Variants in DST observed in about 807,000 individuals in gnomAD.
The protein encoded by DST is bullous pemphigoid antigen.
Under a neutral mutation model 875.2 loss-of-function variants are expected in DST, and 253 were observed. The observed-to-expected ratio is 0.29, with a 90% CI of 0.26 to 0.32. The LOEUF is 0.32. Among genes scored for constraint, DST ranks in the 10% least tolerant of loss-of-function variants. The pLI is 1.00. For synonymous variants in DST, 3,124 were observed against 3,197.1 expected, an observed-to-expected ratio of 0.98 and a Z score of 0.77; for missense variants, 8,287 against 9,111.6, an observed-to-expected ratio of 0.91 and a Z score of 3.68.
chr6:56,562,023 C>A, intron 56 of DST, 115 bp downstream of exon 56: 1 of 552,902 alleles, frequency 1.8e-6, no homozygotes, highest in Non-Finnish European at 3.0e-6. Flanking sequence ...AGATTAAATA[C>A]CATTGTAATT....
intron 4 of DST, among the ~76,000 whole-genome samples, chr6:56,823,628 C>T (rs2099775763): frequency 6.6e-6 from 1 of 152,104 alleles, no homozygotes; most frequent in Non-Finnish European, 1.5e-5. Flanking sequence ...CCAGGATGGT[C>T]TCGATCTCTT....
At position 56,605,115 on chromosome 6, in the gene DST, A is replaced by G. The variant is rs767563727; in HGVS notation, c.9513T>C (p.Thr3171=). The change falls in exon 40 of 104, where the codon ACT becomes ACC. Residue 3171 remains threonine, a synonymous_variant. Coordinates refer to ENST00000680361, the MANE Select transcript of DST (RefSeq NM_001374736.1). ...GATCAAGCTCTTTCTCAGGTCCATCAGTGAATGACTCCTCAAAATGTGTAT... is the reference window on the plus strand; with the variant it reads ...GATCAAGCTCTTTCTCAGGTCCATCGGTGAATGACTCCTCAAAATGTGTAT... ...EGNTHFEESF[T]DGPEKELDLF... is the part of the protein sequence containing the mutation. 17 of 1,612,758 alleles carry G rather than the reference A, an allele frequency of 1.1e-5. No homozygotes were observed. The Admixed American group carries it at 2.0e-4, about 19-fold the overall frequency.
At chr6:56,483,527 C>CATT (rs2095467257) in intron 88 of DST, 2 of 60,042 alleles carry the variant, frequency 3.3e-5, no homozygotes, top group African/African-American at 7.6e-5. Flanking sequence ...TCTGGGTTTG[C>CATT]TTTTTTTTTT....
chr6:56,721,691 A>G (rs2099417310), intron 5 of DST, among the ~76,000 whole-genome samples: 1 of 152,354 alleles, frequency 6.6e-6, no homozygotes, highest in Middle Eastern at 3.4e-3. Context: ...TAAATCAAAG[A>G]GGAAAGCTCA....
chr6:56,661,939 C>T (rs1034750537), intron 10 of DST, among the ~76,000 whole-genome samples: 4 of 152,110 alleles, frequency 2.6e-5, no homozygotes, highest in Admixed American at 2.0e-4. Context: ...CAACTTACTT[C>T]GTCACTTTTC....
At chr6:56,744,031 C>T (rs549038278) in intron 4 of DST, among the ~76,000 whole-genome samples, 1 of 152,006 alleles carries the variant, frequency 6.6e-6, no homozygotes, top group East Asian at 1.9e-4. Context: ...CACCTGTAAT[C>T]CCAGCTACTC....
intron 61 of DST, among the ~76,000 whole-genome samples, chr6:56,547,800 T>C (rs967105896): frequency 6.6e-6 from 1 of 152,226 alleles, no homozygotes; most frequent in Non-Finnish European, 1.5e-5. Context: ...AAAATAATGA[T>C]GCCTGGGTTA....
chr6:56,549,456 A>G (rs967077574), intron 61 of DST, among the ~76,000 whole-genome samples: 1 of 152,214 alleles, frequency 6.6e-6, no homozygotes, highest in African/African-American at 2.4e-5. Flanking sequence ...TGTTTAACAA[A>G]AGTCTAAGGC....
intron 3 of DST, among the ~76,000 whole-genome samples, chr6:56,872,179 A>G (rs184790497): frequency 1.5e-3 from 233 of 152,354 alleles, no homozygotes; most frequent in African/African-American, 5.1e-3. Flanking sequence ...TCCCACTTAC[A>G]GGAGAGCAAA....
At chr6:56,923,549 C>T (rs1313503663) in intron 2 of DST, among the ~76,000 whole-genome samples, 2 of 150,686 alleles carry the variant, frequency 1.3e-5, no homozygotes, top group Non-Finnish European at 2.9e-5. Flanking sequence ...AAGGAACTGG[C>T]TCAGGCAATT....
At chr6:56,475,414 C>CACACACA (rs2095136061) in intron 92 of DST, among the ~76,000 whole-genome samples, 1 of 151,824 alleles carries the variant, frequency 6.6e-6, no homozygotes, top group Non-Finnish European at 1.5e-5. Context: ...CACACACACA[C>CACACACA]ACACACACAC....
intron 12 of DST, among the ~76,000 whole-genome samples, chr6:56,650,293 G>C (rs1419210955): frequency 1.0e-5 from 1 of 99,112 alleles, no homozygotes; most frequent in African/African-American, 4.0e-5. Flanking sequence ...GTTCTCTTCA[G>C]AAATGCATAA....
At position 56,632,978 on chromosome 6, in the gene DST, A is replaced by C; in HGVS notation, c.3681T>G (p.Phe1227Leu). 1 of 1,614,074 alleles carries C rather than the reference A, an allele frequency of 6.2e-7. No homozygotes were observed. Among genetic ancestry groups the C allele is most frequent in the Middle Eastern group, 1.7e-4 (1 of 6,058 alleles). Residue 1227 changes from phenylalanine to leucine, a missense_variant, in exon 28 of 104, where the codon TTT (phenylalanine) becomes TTG (leucine). By Grantham distance (22) the Phe-to-Leu change is conservative. Around this residue, in one of 10 missense-constraint regions of DST, gnomAD observed 3,138 missense variants for 3,116.6 expected, o/e 1.01. Coordinates refer to ENST00000680361, the MANE Select transcript of DST (RefSeq NM_001374736.1). ...QQVLSNLQSR[F>L]EDFLEDSQES... is the part of the protein sequence containing the mutation. The stretch of plus-strand genomic sequence containing the variant: ...CCTGGCTATCTTCCAGAAAATCTTC[A>C]AAACGAGATTGTAGATTACTTAGAA...
Position 56,698,519 on chromosome 6 carries a change from G to A in DST, c.1047+1134C>T, listed in dbSNP as rs192410182. On this transcript the variant is annotated intron_variant, in intron 9 of 103. Coordinates refer to ENST00000680361, the MANE Select transcript of DST (RefSeq NM_001374736.1). The stretch of plus-strand genomic sequence containing the variant: ...TTTTTGTATTTCTTAGTAGAGACGG[G>A]GTTTCACCCGTTAGCTAGGATGGTC... Among the ~76,000 whole-genome samples the A allele has an allele frequency of 3.6e-3, 542 of 152,146 alleles. 3 individuals are homozygous for A. Among genetic ancestry groups the A allele is most frequent in the African/African-American group, 0.013 (526 of 41,512 alleles).
intron 2 of DST, among the ~76,000 whole-genome samples, chr6:56,915,901 C>G (rs1800692866): frequency 1.3e-5 from 2 of 152,206 alleles, no homozygotes; most frequent in African/African-American, 2.4e-5. Context: ...AAACTATTCT[C>G]CAGTAATATC....
In DST at chr6:56,634,623, T is replaced by G. The variant is rs1275220169; in HGVS notation, c.3340-7A>C. ...CGTCTTTGTAAATGGTTATCTGGTT[T>G]AAAATAAAGAGCAGAATAACTCAAT... On this transcript the variant is annotated splice_region_variant and splice_polypyrimidine_tract_variant and intron_variant, in intron 25 of 103. Transcript: ENST00000680361. The G allele has an allele frequency of 6.2e-7, 1 of 1,614,084 alleles. No individual in the cohort carries two copies. Among genetic ancestry groups the G allele is most frequent in the East Asian group, 2.2e-5 (1 of 44,876 alleles).
In DST at chr6:56,530,129, G is replaced by A. The variant is rs979136179; in HGVS notation, c.17113C>T (p.Arg5705Cys). 7 of 1,584,424 alleles carry A rather than the reference G, an allele frequency of 4.4e-6. No homozygotes were observed. Among genetic ancestry groups the A allele is most frequent in the Non-Finnish European group, 5.1e-6 (6 of 1,167,944 alleles). Residue 5705 changes from arginine (R) to cysteine (C), a missense_variant, in exon 65 of 104, where the codon CGT (arginine) becomes TGT (cysteine). Physicochemically the swap from Arg to Cys is radical, Grantham distance 180. Coordinates refer to ENST00000680361, the MANE Select transcript of DST (RefSeq NM_001374736.1). Reference sequence around the variant, plus strand: ...ACCACCGAGATACCTTCCAACTGACGATTCCTACAAATGTGCCAAAAGGTC... The same window carrying A: ...ACCACCGAGATACCTTCCAACTGACAATTCCTACAAATGTGCCAAAAGGTC... ...ALLNKAETRN[R>C]QLEGISVVAQ...
intron 9 of DST, among the ~76,000 whole-genome samples, chr6:56,675,594 C>T (rs2099124250): frequency 6.6e-6 from 1 of 152,216 alleles, no homozygotes; most frequent in African/African-American, 2.4e-5. Flanking sequence ...TGGCTCACGC[C>T]TGTAATCCTA....
chr6:56,913,479 A>G (rs571010130), intron 2 of DST, among the ~76,000 whole-genome samples: 262 of 152,332 alleles, frequency 1.7e-3, no homozygotes, highest in Middle Eastern at 6.8e-3. Flanking sequence ...ATTGGAACAC[A>G]GCCATGTCCA....
Sources: gnomAD v4.1 joint callset for allele counts (sites outside exome capture counted in the v4.1 genomes callset) on GRCh38, gnomAD v4.1.1 for gene constraint, gnomAD v4.1.1 regional missense constraint, MANE v1.5 for transcripts, NCBI Gene and HGNC (gene_info 2026-07-23, HGNC 2026-07-21) for gene names.